RPRD1A: variants seen among roughly 807,000 people sequenced by gnomAD.
RPRD1A encodes regulation of nuclear pre-mRNA domain-containing protein 1A.
In RPRD1A, 9 loss-of-function variants were observed where a neutral mutation model predicts 37.8. The ratio of observed to expected loss-of-function variants is 0.24; its 90% confidence interval spans 0.14 to 0.42. The LOEUF is 0.42. Ranked by LOEUF, RPRD1A falls within the 10% of genes least tolerant of loss-of-function variation. The pLI, the probability that RPRD1A is intolerant of heterozygous loss-of-function variation, is 1.00. For missense variants in RPRD1A, 255 were observed against 371.0 expected (o/e 0.69, Z 2.57); for synonymous variants, 138 against 139.7 (o/e 0.99, Z 0.08).
At chr18:36,034,684 A>G (rs1912064899) in intron 1 of RPRD1A, among the ~76,000 whole-genome samples, 2 of 152,216 alleles carry the variant, frequency 1.3e-5, no homozygotes, top group South Asian at 4.1e-4. Flanking sequence ...TGTGGCATCC[A>G]TAGTACAGTG....
chr18:36,039,164 A>AG (rs1912408195), intron 1 of RPRD1A, among the ~76,000 whole-genome samples: 1 of 151,974 alleles, frequency 6.6e-6, no homozygotes, highest in African/African-American at 2.4e-5. Flanking sequence ...CCCCACCCAA[A>AG]TCTCATGTCA....
rs541701471 is a variant in RPRD1A, at chr18:36,062,015, A to G, written c.151+5239T>C. ...AACTGGACCCTCATACACTGCTTGT[A>G]GGAATGTATTTTAAAAACATGGCCG... is the stretch of plus-strand genomic sequence containing the variant. On this transcript the variant is annotated intron_variant, in intron 1 of 6. Coordinates refer to ENST00000399022, the MANE Select transcript of RPRD1A (RefSeq NM_018170.5). Among the ~76,000 whole-genome samples, 7 of 152,348 alleles carry G rather than the reference A, an allele frequency of 4.6e-5. No homozygotes were observed. The East Asian group carries it at 1.4e-3, about 29-fold the overall frequency.
At chr18:36,014,889 T>C (rs1483903230) in intron 6 of RPRD1A, among the ~76,000 whole-genome samples, 1 of 151,986 alleles carries the variant, frequency 6.6e-6, no homozygotes. Context: ...AAAACCACAA[T>C]GAGATACTAC....
intron 6 of RPRD1A, among the ~76,000 whole-genome samples, chr18:35,999,515 C>G (rs765020906): frequency 6.6e-6 from 1 of 151,984 alleles, no homozygotes; most frequent in Admixed American, 6.6e-5. Context: ...TAGGGCTGAC[C>G]CTGTTATGTT....
At chr18:35,999,459 C>T (rs1012593958) in intron 6 of RPRD1A, among the ~76,000 whole-genome samples, 3 of 152,166 alleles carry the variant, frequency 2.0e-5, no homozygotes. Context: ...GCAGTAAGAA[C>T]ATCTAAGAGA....
intron 1 of RPRD1A, among the ~76,000 whole-genome samples, chr18:36,053,677 T>C (rs996879985): frequency 6.6e-6 from 1 of 152,202 alleles, no homozygotes; most frequent in Non-Finnish European, 1.5e-5. Flanking sequence ...CGTAAACATA[T>C]ACCTAGGAGT....
intron 1 of RPRD1A, among the ~76,000 whole-genome samples, chr18:36,036,294 G>C (rs558502561): frequency 7.4e-4 from 112 of 152,014 alleles, no homozygotes; most frequent in Non-Finnish European, 1.3e-3. Flanking sequence ...GGCTGGTCTT[G>C]AACTCCTGAG....
At chr18:36,016,832 C>T (rs1199747224) in intron 6 of RPRD1A, among the ~76,000 whole-genome samples, 2 of 152,092 alleles carry the variant, frequency 1.3e-5, no homozygotes, top group African/African-American at 4.8e-5. Context: ...TTTATAATCA[C>T]ATGAAAATTT....
intron 1 of RPRD1A, among the ~76,000 whole-genome samples, chr18:36,065,807 G>T (rs1435876320): frequency 6.6e-6 from 1 of 151,836 alleles, no homozygotes; most frequent in Non-Finnish European, 1.5e-5. Flanking sequence ...TTCCTGATTT[G>T]TAAGATTAAG....
intron 1 of RPRD1A, among the ~76,000 whole-genome samples, chr18:36,037,675 A>G (rs184880434): frequency 2.0e-4 from 31 of 152,316 alleles, no homozygotes; most frequent in African/African-American, 7.2e-4. Flanking sequence ...GAAAACAGAA[A>G]GATGTGGGAA....
intron 6 of RPRD1A, among the ~76,000 whole-genome samples, chr18:36,008,571 G>GTATGTATGTATGTATGTATGTA (rs1359543093): frequency 7.2e-4 from 20 of 27,934 alleles, no homozygotes; most frequent in African/African-American, 3.3e-3. Flanking sequence ...GCAAGACCTT[G>GTATGTATGTATGTATGTATGTA]TGTGTGTATA....
intron 4 of RPRD1A, 37 bp from the exon 5 acceptor site, chr18:36,027,347 A>C (rs1474712005): frequency 6.2e-7 from 1 of 1,608,752 alleles, no homozygotes; most frequent in East Asian, 2.2e-5. Flanking sequence ...AAATAAATTG[A>C]GCTTAAACAA....
chr18:36,025,635 C>T, intron 6 of RPRD1A: 1 of 1,288,838 alleles, frequency 7.8e-7, no homozygotes. Flanking sequence ...GAAGAATATA[C>T]TAATGGTGAC....
intron 1 of RPRD1A, chr18:36,064,404 C>T (rs1598680506): frequency 6.6e-6 from 1 of 152,460 alleles, no homozygotes; most frequent in Admixed American, 6.5e-5. Context: ...GCCAGCTGGG[C>T]TTCTGGGTCA....
chr18:36,044,160 G>C (rs1397871188), intron 1 of RPRD1A, among the ~76,000 whole-genome samples: 1 of 152,110 alleles, frequency 6.6e-6, no homozygotes, highest in African/African-American at 2.4e-5. Context: ...GGGGGAAGAG[G>C]AGCGGTTGGT....
intron 6 of RPRD1A, among the ~76,000 whole-genome samples, chr18:36,000,113 A>G (rs539932271): frequency 1.1e-3 from 168 of 152,302 alleles, no homozygotes; most frequent in Non-Finnish European, 1.7e-3. Context: ...CTGAGACTGC[A>G]GATTAGTCAA....
At chr18:36,029,898 C>T (rs1331158203) in intron 4 of RPRD1A, among the ~76,000 whole-genome samples, 30 of 151,778 alleles carry the variant, frequency 2.0e-4, no homozygotes, top group Non-Finnish European at 5.9e-5. Flanking sequence ...CTCCGCCTCC[C>T]AGGTTCACGC....
intron 6 of RPRD1A, among the ~76,000 whole-genome samples, chr18:36,007,836 G>C (rs1348805255): frequency 6.6e-6 from 1 of 152,130 alleles, no homozygotes; most frequent in East Asian, 1.9e-4. Context: ...TACTCGGGAG[G>C]CTGAGGCAGG....
chr18:36,032,504 A>C (rs1911866847), intron 2 of RPRD1A, among the ~76,000 whole-genome samples: 1 of 152,228 alleles, frequency 6.6e-6, no homozygotes, highest in Non-Finnish European at 1.5e-5. Flanking sequence ...TTTAGACTTC[A>C]TCTCTAAAAC....
Sources: gnomAD v4.1 joint callset for allele counts (sites outside exome capture counted in the v4.1 genomes callset) on GRCh38, gnomAD v4.1.1 for gene constraint, MANE v1.5 for transcripts, NCBI Gene and HGNC (gene_info 2026-07-23, HGNC 2026-07-21) for gene names.